The following COL4A5 variants were observed in gnomAD, a reference collection of about 807,000 sequenced individuals.
COL4A5 encodes the protein collagen type IV alpha 5 chain, also known as collagen alpha-5(IV) chain.
Under a neutral mutation model 130.2 loss-of-function variants are expected in COL4A5, and 26 were observed. The ratio of observed to expected loss-of-function variants is 0.20; its 90% CI spans 0.15 to 0.28. The LOEUF (loss-of-function observed/expected upper bound fraction) is 0.28, where lower values mean the gene tolerates loss of function less well. Among genes scored for constraint, COL4A5 ranks in the 10% least tolerant of loss-of-function variants. The pLI is 1.00. For synonymous variants in COL4A5, 496 were observed against 439.6 expected (o/e 1.13, Z -1.60); for missense variants, 1,131 against 1,344.3 (o/e 0.84, Z 2.48).
At chrX:108,604,578 G>T (rs2066697312) in intron 28 of COL4A5, among the ~76,000 whole-genome samples, 2 of 111,972 alleles carry the variant, frequency 1.8e-5, no homozygotes, top group African/African-American at 6.5e-5. Flanking sequence ...TAAGGCCCTA[G>T]AATTTTTAGA....
At chrX:108,457,095 A>G (rs73541608) in intron 1 of COL4A5, among the ~76,000 whole-genome samples, 11,616 of 111,366 alleles carry the variant, frequency 0.1, 1,303 homozygotes, top group African/African-American at 0.34. Flanking sequence ...GTGTGGAAAA[A>G]TACCTAGTAC....
intron 41 of COL4A5, among the ~76,000 whole-genome samples, 178 bp downstream of exon 41, chrX:108,668,682 A>T (rs914713631): frequency 8.9e-6 from 1 of 112,530 alleles, no homozygotes; most frequent in Admixed American, 9.4e-5. Context: ...GTTCATAGCT[A>T]ACTCCATCTA....
intron 36 of COL4A5, among the ~76,000 whole-genome samples, chrX:108,650,071 CAAAA>C (rs1455431480): frequency 9.2e-6 from 1 of 108,564 alleles, no homozygotes; most frequent in Non-Finnish European, 1.9e-5. Context: ...GAAAAAAAAA[CAAAA>C]AACAAAGAAA....
chrX:108,690,071 T>A lies in COL4A5; in HGVS notation c.4528+2377T>A, dbSNP rs1355576713. On this transcript the variant is annotated intron_variant, in intron 49 of 52. Coordinates refer to ENST00000328300, the MANE Select transcript of COL4A5 (RefSeq NM_033380.3). ...CAAATTAGGCAGTAGAATAGGTTTT[T>A]TTAAATTACTTTATAATGTACAAAG... The A allele has an allele frequency of 8.6e-6, 6 of 700,207 alleles. No homozygotes were observed. In the East Asian group the frequency reaches 9.4e-4, roughly 110 times the overall value. 57.7% of individuals were successfully genotyped at this position (700,207 alleles called of 1,213,427 possible). A position where few individuals can be genotyped will look rare whatever the true frequency, so the allele number is the denominator to read the frequency against.
At chrX:108,649,450 G>A (rs1805411705) in intron 36 of COL4A5, among the ~76,000 whole-genome samples, 1 of 111,638 alleles carries the variant, frequency 9.0e-6, no homozygotes, top group East Asian at 2.8e-4. Context: ...CATAGCCAAA[G>A]CAAGACTAAA....
At chrX:108,672,219 T>A (rs753635851) in intron 42 of COL4A5, among the ~76,000 whole-genome samples, 1 of 112,194 alleles carries the variant, frequency 8.9e-6, no homozygotes, top group Admixed American at 9.5e-5. Context: ...AAGCAAAGAC[T>A]AGGGGGTTAC....
intron 2 of COL4A5, among the ~76,000 whole-genome samples, chrX:108,546,913 C>T (rs1202327279): frequency 8.9e-6 from 1 of 112,397 alleles, no homozygotes; most frequent in Non-Finnish European, 1.9e-5. Flanking sequence ...GCTACTGAAA[C>T]TTGTGCATTC....
At chrX:108,567,775 C>T (rs984878183) in intron 4 of COL4A5, among the ~76,000 whole-genome samples, 1 of 111,378 alleles carries the variant, frequency 9.0e-6, no homozygotes, top group Non-Finnish European at 1.9e-5. Context: ...CATCAGATTT[C>T]GTGAGACTTA....
intron 1 of COL4A5, among the ~76,000 whole-genome samples, chrX:108,464,553 T>C (rs1198717612): frequency 8.9e-6 from 1 of 112,428 alleles, no homozygotes; most frequent in African/African-American, 3.2e-5. Flanking sequence ...TTAAACTATT[T>C]ATTGGGTTGA....
intron 1 of COL4A5, among the ~76,000 whole-genome samples, chrX:108,450,034 CAG>C (rs1039412472): frequency 9.9e-5 from 11 of 111,637 alleles, no homozygotes; most frequent in South Asian, 3.8e-4. Context: ...GTCATACTCT[CAG>C]GGGGGAGAAA....
intron 9 of COL4A5, 39 bp from the exon 10 acceptor site, chrX:108,575,871 T>C (rs763967972): frequency 1.0e-6 from 1 of 989,097 alleles, no homozygotes. Flanking sequence ...GGCTTGTTTT[T>C]CTTTTTTTTC....
chrX:108,468,833 A>G (rs2064735395), intron 1 of COL4A5, among the ~76,000 whole-genome samples: 2 of 107,886 alleles, frequency 1.9e-5, no homozygotes, highest in Non-Finnish European at 3.8e-5. Context: ...TATTTTCTTT[A>G]GCATCTTTGG....
At chrX:108,663,743 TAA>T (rs59197492) in intron 37 of COL4A5, among the ~76,000 whole-genome samples, 6 of 97,016 alleles carry the variant, frequency 6.2e-5, no homozygotes, top group South Asian at 4.5e-4. Context: ...GAACTTAAAA[TAA>T]AAAAAAAAAA....
At chrX:108,573,196 TC>T (rs1196599229) in intron 8 of COL4A5, among the ~76,000 whole-genome samples, 1 of 110,598 alleles carries the variant, frequency 9.0e-6, no homozygotes, top group Non-Finnish European at 1.9e-5. Context: ...GATATTGTCA[TC>T]TTATATTTTT....
intron 44 of COL4A5, among the ~76,000 whole-genome samples, chrX:108,679,554 T>C (rs901606984): frequency 1.8e-5 from 2 of 112,230 alleles, no homozygotes; most frequent in Non-Finnish European, 3.8e-5. Context: ...TTTTCTGATA[T>C]GTACTTCCCT....
At chrX:108,499,021 A>G (rs1172627688) in intron 1 of COL4A5, among the ~76,000 whole-genome samples, 2 of 111,268 alleles carry the variant, frequency 1.8e-5, no homozygotes, top group Admixed American at 9.6e-5. Context: ...GATGAGCTCA[A>G]TGGCAAATGC....
intron 1 of COL4A5, among the ~76,000 whole-genome samples, chrX:108,504,579 T>C: frequency 8.9e-6 from 1 of 112,034 alleles, no homozygotes; most frequent in South Asian, 3.7e-4. Context: ...GCAAATGACA[T>C]GAATAGACAT....
At chrX:108,483,871 T>G (rs2064917804) in intron 1 of COL4A5, among the ~76,000 whole-genome samples, 1 of 112,564 alleles carries the variant, frequency 8.9e-6, no homozygotes, top group African/African-American at 3.2e-5. Context: ...ATGAACAATG[T>G]TTAGCACTTT....
chrX:108,674,655 A>G, intron 42 of COL4A5, 90 bp from the exon 43 acceptor site: 1 of 898,946 alleles, frequency 1.1e-6, no homozygotes, highest in Non-Finnish European at 1.6e-6. Context: ...AATGTGAACC[A>G]CTTCTAACTC....
Sources: gnomAD v4.1 joint callset for allele counts (sites outside exome capture counted in the v4.1 genomes callset) on GRCh38, gnomAD v4.1.1 for gene constraint, MANE v1.5 for transcripts, NCBI Gene and HGNC (gene_info 2026-07-23, HGNC 2026-07-21) for gene names.